The following NCOA1 variants were observed in gnomAD, a reference collection of about 807,000 sequenced individuals.
NCOA1 encodes nuclear receptor coactivator 1.
Under a neutral mutation model 150.9 loss-of-function variants are expected in NCOA1, and 35 were observed. That is an observed-to-expected ratio of 0.23 (90% CI 0.18 to 0.31). The LOEUF is 0.31. Ranked by LOEUF, NCOA1 falls within the 10% of genes least tolerant of loss-of-function variation. The pLI is 1.00. For missense variants in NCOA1, 1,491 were observed against 1,749.3 expected (o/e 0.85, Z 2.63); for synonymous variants, 590 against 630.0 (o/e 0.94, Z 0.95).
intron 1 of NCOA1, among the ~76,000 whole-genome samples, chr2:24,514,285 CAAAAAAAA>C (rs57412614): frequency 3.0e-5 from 1 of 32,958 alleles, no homozygotes; most frequent in Non-Finnish European, 5.6e-5. Flanking sequence ...GACTCTGTCT[CAAAAAAAA>C]AAAAAAAAAA....
Position 24,707,125 on chromosome 2 carries a change from T to C in NCOA1, c.1655T>C (p.Val552Ala). ...ATGAATGAAGGACCCAATAACTCCG[T>C]TGGCTTCTCTGCCAGTTCTCCAGTC... is the stretch of plus-strand genomic sequence containing the variant. The part of the protein sequence containing the change: ...QGMNEGPNNS[V>A]GFSASSPVLR... Residue 552 changes from valine to alanine, a missense_variant, in exon 13 of 23, where the codon GTT becomes GCT. Val to Ala is a moderately conservative substitution (Grantham distance 64). This residue lies in a region of NCOA1 where 703 missense variants were observed against 717.7 expected (regional missense o/e 0.98). Transcript: ENST00000348332. 6.2e-7 allele frequency: 1 copy of C among 1,614,254 alleles called. No individual in the cohort carries two copies. Among genetic ancestry groups the C allele is most frequent in the Non-Finnish European group, 8.5e-7 (1 of 1,180,042 alleles).
chr2:24,541,286 G>A (rs963080404), intron 1 of NCOA1, among the ~76,000 whole-genome samples: 1 of 152,144 alleles, frequency 6.6e-6, no homozygotes, highest in African/African-American at 2.4e-5. Flanking sequence ...AGAGAAGAAT[G>A]GTTGAAAGAG....
rs775720682 is a variant in NCOA1, at chr2:24,683,113, C to T, written c.517C>T (p.Leu173=). Residue 173 remains leucine (L), a synonymous_variant, in exon 8 of 23, where the codon CTA becomes TTA. Transcript: ENST00000348332. The part of the protein sequence containing the change: ...GDHAEFVKNL[L]PKSLVNGVPW... ...TCATGCAGAATTTGTGAAGAATCTG[C>T]TACCAAAATCACTAGGTAAACAGAA... 3.8e-6 allele frequency: 6 copies of T among 1,568,514 alleles called. No homozygotes were observed. The African/African-American group carries it at 6.9e-5, about 18-fold the overall frequency.
At chr2:24,549,107 T>C (rs916676960) in intron 1 of NCOA1, among the ~76,000 whole-genome samples, 1 of 152,328 alleles carries the variant, frequency 6.6e-6, no homozygotes, top group Admixed American at 6.5e-5. Flanking sequence ...TCTTTGGGCA[T>C]CCAGGTGTTT....
At chr2:24,752,289 T>C (rs1303258820) in intron 20 of NCOA1, 133 bp downstream of exon 20, 4 of 1,014,836 alleles carry the variant, frequency 3.9e-6, no homozygotes, top group Admixed American at 6.1e-5. Context: ...AGGCCACATA[T>C]GGCTACATTT....
intron 8 of NCOA1, among the ~76,000 whole-genome samples, chr2:24,687,632 G>A (rs565788976): frequency 4.6e-5 from 7 of 151,856 alleles, no homozygotes; most frequent in Non-Finnish European, 8.8e-5. Context: ...CAAGGAGGCA[G>A]GAGAGAGAGA....
chr2:24,754,510 G>A (rs932956000), intron 20 of NCOA1, among the ~76,000 whole-genome samples: 9 of 152,144 alleles, frequency 5.9e-5, no homozygotes, highest in Non-Finnish European at 8.8e-5. Context: ...TTCCCTCAGT[G>A]GCCACATGGC....
intron 16 of NCOA1, among the ~76,000 whole-genome samples, chr2:24,728,961 A>G (rs1286552040): frequency 6.6e-6 from 1 of 152,278 alleles, no homozygotes; most frequent in Non-Finnish European, 1.5e-5. Context: ...AACTCCTTTC[A>G]GCTGCATACA....
At chr2:24,729,043 T>C (rs1180885074) in intron 16 of NCOA1, among the ~76,000 whole-genome samples, 1 of 152,210 alleles carries the variant, frequency 6.6e-6, no homozygotes, top group Non-Finnish European at 1.5e-5. Context: ...CAGTGGGTAA[T>C]AGTGAAAACA....
At chr2:24,621,244 T>A (rs1296341971) in intron 3 of NCOA1, among the ~76,000 whole-genome samples, 1 of 152,082 alleles carries the variant, frequency 6.6e-6, no homozygotes, top group African/African-American at 2.4e-5. Context: ...AAAATTACAG[T>A]AACGGCACTT....
intron 20 of NCOA1, among the ~76,000 whole-genome samples, chr2:24,755,525 A>G (rs749346638): frequency 3.3e-5 from 5 of 152,220 alleles, no homozygotes; most frequent in Admixed American, 6.5e-5. Context: ...TGACTACCAA[A>G]TACCTAGTGC....
Position 24,757,981 on chromosome 2 carries a change from G to T in NCOA1, c.3890G>T (p.Ser1297Ile). ...TGTTTTTGAGTTTACAGTGTGTTCAGTCAAGCTGTCCAGAACCAGCCCACG... is the reference window on the plus strand; with the variant it reads ...TGTTTTTGAGTTTACAGTGTGTTCATTCAAGCTGTCCAGAACCAGCCCACG... Reference protein sequence around the residue: ...QGAIGNNNVFSQAVQNQPTPA... With the variant: ...QGAIGNNNVFIQAVQNQPTPA... Residue 1297 changes from serine to isoleucine, a missense_variant, in exon 21 of 23, where the codon AGT becomes ATT. Ser to Ile is a moderately radical substitution (Grantham distance 142, BLOSUM62 -2). Transcript: ENST00000348332. 6.2e-7 allele frequency: 1 copy of T among 1,613,566 alleles called. No individual in the cohort carries two copies. Among genetic ancestry groups the T allele is most frequent in the East Asian group, 2.2e-5 (1 of 44,864 alleles).
intron 3 of NCOA1, among the ~76,000 whole-genome samples, chr2:24,620,777 AT>A (rs1338523654): frequency 6.6e-6 from 1 of 152,154 alleles, no homozygotes; most frequent in Non-Finnish European, 1.5e-5. Flanking sequence ...GATGGGATTA[AT>A]TTTTTAAAGA....
intron 2 of NCOA1, among the ~76,000 whole-genome samples, chr2:24,568,694 A>G (rs1666609023): frequency 6.6e-6 from 1 of 152,244 alleles, no homozygotes; most frequent in African/African-American, 2.4e-5. Flanking sequence ...AGAAGCTTGT[A>G]AAACCAGTTT....
chr2:24,549,724 G>A (rs866302368), intron 1 of NCOA1, among the ~76,000 whole-genome samples: 8 of 152,084 alleles, frequency 5.3e-5, no homozygotes, highest in Non-Finnish European at 7.4e-5. Context: ...CCACCACTGC[G>A]CCCAGCTAAT....
intron 19 of NCOA1, among the ~76,000 whole-genome samples, chr2:24,751,725 A>G (rs1572683349): frequency 6.6e-6 from 1 of 152,228 alleles, no homozygotes; most frequent in East Asian, 1.9e-4. Flanking sequence ...ATAACGTCTT[A>G]GTGAATGGAA....
chr2:24,620,291 A>T (rs1396705270), intron 3 of NCOA1, among the ~76,000 whole-genome samples: 1 of 152,178 alleles, frequency 6.6e-6, no homozygotes, highest in African/African-American at 2.4e-5. Context: ...AGCAAACCTC[A>T]TGTTCAGATT....
In NCOA1 at chr2:24,697,767, A is replaced by G. The variant is rs1672965517; in HGVS notation, c.918A>G (p.Glu306=). The G allele has an allele frequency of 3.7e-6, 6 of 1,613,752 alleles. No homozygotes were observed. The highest frequency in any genetic ancestry group is 5.1e-6 in the Non-Finnish European group (6 of 1,179,810). The change falls in exon 11 of 23, where the codon GAA becomes GAG. Residue 306 remains glutamate, a synonymous_variant. Coordinates refer to ENST00000348332, the MANE Select transcript of NCOA1 (RefSeq NM_003743.5). ...IYAFFQPQGR[E]PSYARQLFQE... is the part of the protein sequence containing the mutation. The stretch of plus-strand genomic sequence containing the variant: ...CTTTTTTCCAACCTCAGGGCAGAGA[A>G]CCATCTTATGCCAGACAGCTGTTCC...
chr2:24,662,933 G>A (rs1037838971), intron 5 of NCOA1, among the ~76,000 whole-genome samples: 8 of 151,250 alleles, frequency 5.3e-5, no homozygotes, highest in Non-Finnish European at 8.8e-5. Context: ...GACTACAGGC[G>A]CACACCATCA....
Sources: allele counts gnomAD v4.1 joint callset (sites outside exome capture counted in the v4.1 genomes callset), GRCh38; gene constraint gnomAD v4.1.1; regional missense constraint gnomAD v4.1.1; transcripts MANE v1.5; gene names NCBI Gene and HGNC (gene_info 2026-07-23, HGNC 2026-07-21).